Variants in EIF2D observed in about 807,000 individuals in gnomAD.
The protein encoded by EIF2D is hepatocellular carcinoma-associated antigen 56.
In EIF2D, 56 loss-of-function variants were observed where a neutral mutation model predicts 77.4. That is an observed-to-expected ratio of 0.72 (90% CI 0.58 to 0.90). The LOEUF (loss-of-function observed/expected upper bound fraction) is 0.90. EIF2D is among the 40% of genes least tolerant of loss of function. The pLI is 0.00. For missense variants in EIF2D, 574 were observed against 706.5 expected (o/e 0.81, Z 2.13); for synonymous variants, 230 against 271.0 (o/e 0.85, Z 1.49).
chr1:206,597,684 C>T (rs1553410462), intron 11 of EIF2D, among the ~76,000 whole-genome samples: 1 of 152,192 alleles, frequency 6.6e-6, no homozygotes, highest in Non-Finnish European at 1.5e-5. Flanking sequence ...GTGGCCCACG[C>T]CTGTAATCCC....
chr1:206,609,484 C>T (rs1553413439), intron 2 of EIF2D, 25 bp from the exon 3 acceptor site: 1 of 1,589,236 alleles, frequency 6.3e-7, no homozygotes, highest in East Asian at 2.2e-5. Context: ...ATCCAGAAAA[C>T]ACTACTACCA....
intron 6 of EIF2D, 119 bp downstream of exon 6, chr1:206,602,832 G>C (rs1669989345): frequency 1.4e-6 from 2 of 1,423,188 alleles, no homozygotes; most frequent in Non-Finnish European, 1.9e-6. Context: ...CAGAAAATAA[G>C]GACCTTCCCC....
chr1:206,602,943 A>G lies in EIF2D; in HGVS notation c.784+8T>C, dbSNP rs1470451356. The G allele has an allele frequency of 3.1e-6, 5 of 1,613,686 alleles. No individual in the cohort carries two copies. In the South Asian group the frequency reaches 3.3e-5, roughly 11 times the overall value. ...GGGAGATGGGCTCTTCTCCTCCTAG[A>G]GTTATACCTTGAAGCGTTTTGCTAT... On this transcript the variant is annotated splice_region_variant and intron_variant, in intron 6 of 14. Coordinates refer to ENST00000271764, the MANE Select transcript of EIF2D (RefSeq NM_006893.3).
chr1:206,599,316 GA>G lies in EIF2D; in HGVS notation c.1202+146del. On this transcript the variant is annotated intron_variant, in intron 10 of 14. Coordinates refer to ENST00000271764, the MANE Select transcript of EIF2D (RefSeq NM_006893.3). The surrounding 1 kb of genome is among the most constrained non-coding windows in gnomAD (Gnocchi z 4.1). ...TTTAGTCCAGAGGAACTTGCCCAGG[GA>G]AGAAGGCTGGAAGCTGGATTTTGGA... 8.7e-7 allele frequency: 1 copy of G among 1,152,742 alleles called. No individual in the cohort carries two copies. Among genetic ancestry groups the G allele is most frequent in the East Asian group, 2.3e-5 (1 of 42,660 alleles). The allele number at this position is 1,152,742 out of a possible 1,614,324, so 71.4% of individuals were successfully genotyped here.
chr1:206,606,122 C>A (rs1338044266), intron 4 of EIF2D, among the ~76,000 whole-genome samples: 3 of 152,218 alleles, frequency 2.0e-5, no homozygotes, highest in Non-Finnish European at 2.9e-5. Context: ...GATGAGAAAT[C>A]TCTGCCAGCC....
In EIF2D at chr1:206,593,514, T is replaced by TGTGC. The variant is rs1254915986; in HGVS notation, c.1684+104_1684+105insGCAC. 1.4e-4 allele frequency: 91 copies of TGTGC among 658,236 alleles called. 1 individual carries two copies. The highest frequency in any genetic ancestry group is 2.6e-4 in the South Asian group (12 of 45,552). The allele number at this position is 658,236 out of a possible 1,614,324, so 40.8% of individuals were successfully genotyped here. A position where few individuals can be genotyped will look rare whatever the true frequency, so the allele number is the denominator to read the frequency against. ...GAGAGAGAGAGAGAGAGAGAGTGTG[T>TGTGC]GTGTGTGTGTGTGTGTGTGTGTGTG... is the stretch of plus-strand genomic sequence containing the variant. On this transcript the variant is annotated intron_variant, in intron 14 of 14. Coordinates refer to ENST00000271764, the MANE Select transcript of EIF2D (RefSeq NM_006893.3).
intron 13 of EIF2D, chr1:206,594,508 T>C (rs1669538663): frequency 6.6e-6 from 1 of 152,230 alleles, no homozygotes; most frequent in Non-Finnish European, 1.5e-5. Context: ...CTACAGATAG[T>C]AAAGTGTATT....
chr1:206,574,053 C>A (rs766566485), intron 4 of EIF2D, among the ~76,000 whole-genome samples: 1 of 152,200 alleles, frequency 6.6e-6, no homozygotes, highest in Admixed American at 6.5e-5. Flanking sequence ...TGACTACTGT[C>A]GGTTTTTAAT....
At chr1:206,602,521 C>A in intron 6 of EIF2D, 68 bp from the exon 7 acceptor site, 1 of 1,394,726 alleles carries the variant, frequency 7.2e-7, no homozygotes, top group South Asian at 1.2e-5. Flanking sequence ...AGAAAACGAC[C>A]CCCAGCTTCA....
intron 4 of EIF2D, among the ~76,000 whole-genome samples, chr1:206,575,111 C>T (rs1398119960): frequency 6.6e-6 from 1 of 151,898 alleles, no homozygotes; most frequent in Non-Finnish European, 1.5e-5. Context: ...CCTTTGAATG[C>T]GGTTTGGACA....
At chr1:206,585,717 G>C (rs1669086701) in intron 2 of EIF2D, 1 of 161,992 alleles carries the variant, frequency 6.2e-6, no homozygotes, top group Non-Finnish European at 1.4e-5. Context: ...CATCCCCCAA[G>C]GGGAGCTAAC....
At chr1:206,604,746 A>AG (rs1670105885) in intron 5 of EIF2D, 1 of 152,120 alleles carries the variant, frequency 6.6e-6, no homozygotes, top group Admixed American at 6.6e-5. Context: ...AAAAAAAAAA[A>AG]AAAAAATTAA....
intron 13 of EIF2D, chr1:206,595,490 G>T: frequency 2.7e-6 from 1 of 370,608 alleles, no homozygotes. Flanking sequence ...TTGGAACCAG[G>T]CTCTAGCAAG....
intron 5 of EIF2D, among the ~76,000 whole-genome samples, chr1:206,604,101 A>G (rs781905724): frequency 5.3e-5 from 8 of 152,252 alleles, no homozygotes; most frequent in Non-Finnish European, 7.3e-5. Flanking sequence ...AAAAACAGGC[A>G]AAAATGAGCT....
intron 12 of EIF2D, among the ~76,000 whole-genome samples, chr1:206,596,208 C>T (rs1669640929): frequency 6.6e-6 from 1 of 152,176 alleles, no homozygotes; most frequent in Non-Finnish European, 1.5e-5. Context: ...TGGCCCATTG[C>T]CTGCGAGTGC....
rs992412181 is a variant in EIF2D, at chr1:206,611,296, C to T, written c.135G>A (p.Lys45=). The part of the protein sequence containing the change: ...TDQVSELVPG[K]EELNIVKLYA... The stretch of plus-strand genomic sequence containing the variant: ...ACAACTTCACAATGTTGAGCTCCTC[C>T]TTTCCAGGTACTAACTCAGAGACTT... Residue 45 remains lysine, a synonymous_variant, in exon 2 of 15, where the codon AAG becomes AAA. Coordinates refer to ENST00000271764, the MANE Select transcript of EIF2D (RefSeq NM_006893.3). 1 of 1,614,246 alleles carries T rather than the reference C, an allele frequency of 6.2e-7. No individual in the cohort carries two copies. Among genetic ancestry groups the T allele is most frequent in the Admixed American group, 1.7e-5 (1 of 60,016 alleles).
downstream of EIF2D, among the ~76,000 whole-genome samples, chr1:206,589,710 A>T (rs181917466): frequency 6.6e-6 from 1 of 152,252 alleles, no homozygotes; most frequent in Non-Finnish European, 1.5e-5. Context: ...AGGGGGCTAG[A>T]TCAAATGACC....
At chr1:206,585,641 C>T (rs4072497) in intron 2 of EIF2D, 21,835 of 194,612 alleles carry the variant, frequency 0.11, 1,567 homozygotes, top group Non-Finnish European at 0.16. Context: ...GGCTACCAAG[C>T]TCCATCTCTG....
chr1:206,608,719 C>G (rs1163333390), intron 3 of EIF2D, among the ~76,000 whole-genome samples: 1 of 152,180 alleles, frequency 6.6e-6, no homozygotes, highest in Non-Finnish European at 1.5e-5. Flanking sequence ...ACCTTGACTT[C>G]CACTCCAGAC....
Sources: gnomAD v4.1 joint callset for allele counts (sites outside exome capture counted in the v4.1 genomes callset) on GRCh38, gnomAD v4.1.1 for gene constraint, Gnocchi (gnomAD v3.1) non-coding constraint, MANE v1.5 for transcripts, NCBI Gene and HGNC (gene_info 2026-07-23, HGNC 2026-07-21) for gene names.